Variants in PTPRN observed in about 807,000 individuals in gnomAD.
PTPRN encodes receptor-type tyrosine-protein phosphatase-like N.
In PTPRN, 70 loss-of-function variants were observed where a neutral mutation model predicts 108.5. The ratio of observed to expected loss-of-function variants is 0.65; its 90% CI spans 0.53 to 0.79. The LOEUF (loss-of-function observed/expected upper bound fraction) is 0.79. Among genes scored for constraint, PTPRN ranks in the 30% least tolerant of loss-of-function variants. The pLI is 0.00. For synonymous variants in PTPRN, 496 were observed against 524.6 expected (o/e 0.95, Z 0.75); for missense variants, 1,136 against 1,295.5 (o/e 0.88, Z 1.89).
At chr2:219,300,430 T>G (rs1025906511) in intron 8 of PTPRN, 171 bp from the exon 9 acceptor site, 5 of 597,554 alleles carry the variant, frequency 8.4e-6, no homozygotes, top group Non-Finnish European at 1.4e-5. Flanking sequence ...GACAAGTAAG[T>G]GGATGCATGA....
intron 4 of PTPRN, among the ~76,000 whole-genome samples, chr2:219,303,480 G>T (rs2125096618): frequency 6.6e-6 from 1 of 152,302 alleles, no homozygotes; most frequent in Non-Finnish European, 1.5e-5. Context: ...CTACATTGAT[G>T]CTTCTTTTAA....
At chr2:219,304,577 T>C (rs1952436469) in intron 3 of PTPRN, among the ~76,000 whole-genome samples, 1 of 152,206 alleles carries the variant, frequency 6.6e-6, no homozygotes, top group Non-Finnish European at 1.5e-5. Context: ...TCTTCTCTAG[T>C]TCTGGATTTA....
rs1229779807 is a variant in PTPRN at position 219,302,156 on chromosome 2, A to C, written c.975T>G (p.Ala325=). 6.3e-7 allele frequency: 1 copy of C among 1,589,850 alleles called. No individual in the cohort carries two copies. The highest frequency in any genetic ancestry group is 8.6e-7 in the Non-Finnish European group (1 of 1,163,640). The change falls in exon 6 of 23, where the codon GCT becomes GCG. Residue 325 remains alanine (A), a synonymous_variant. Transcript: ENST00000295718. ...EGLGDRGEKP[A]SPAVQPDAAL... is the part of the protein sequence containing the mutation. Reference sequence around the variant, plus strand: ...TGTTACCTGGCTGCACAGCTGGGGAAGCAGGCTTCTCTCCACGATCCCCTA... The same window carrying C: ...TGTTACCTGGCTGCACAGCTGGGGACGCAGGCTTCTCTCCACGATCCCCTA...
At chr2:219,293,975 C>G (rs1375834604) in intron 19 of PTPRN, 1 of 443,268 alleles carries the variant, frequency 2.3e-6, no homozygotes, top group Non-Finnish European at 4.6e-6. Context: ...TGTCTAGTCC[C>G]CACCTGCTCC....
intron 3 of PTPRN, among the ~76,000 whole-genome samples, chr2:219,306,820 G>A (rs1235835629): frequency 1.3e-5 from 2 of 152,158 alleles, no homozygotes; most frequent in African/African-American, 2.4e-5. Context: ...TAAAAAGTCT[G>A]TTCAGATTTC....
chr2:219,298,053 G>A lies in PTPRN; in HGVS notation c.1719C>T (p.Pro573=), dbSNP rs1004613770. The change falls in exon 13 of 23, where the codon CCC becomes CCT. Residue 573 remains proline (P), a synonymous_variant. Coordinates refer to ENST00000295718, the MANE Select transcript of PTPRN (RefSeq NM_002846.4). ...CCAGAGTGAGCAGCACTGAGCGCATGGGTGAGGTGCTGTGCGCAGTTTGGG... is the reference window on the plus strand; with the variant it reads ...CCAGAGTGAGCAGCACTGAGCGCATAGGTGAGGTGCTGTGCGCAGTTTGGG... The part of the protein sequence containing the change: ...VLPQTAHSTS[P]MRSVLLTLVA... 6.2e-7 allele frequency: 1 copy of A among 1,613,924 alleles called. No homozygotes were observed. The highest frequency in any genetic ancestry group is 1.3e-5 in the African/African-American group (1 of 74,940).
At chr2:219,299,875 C>A in intron 9 of PTPRN, 89 bp from the exon 10 acceptor site, 1 of 1,560,934 alleles carries the variant, frequency 6.4e-7, no homozygotes, top group East Asian at 2.3e-5. Flanking sequence ...TACAGAGCAG[C>A]CTGCCAATTC....
chr2:219,299,706 T>A lies in PTPRN; in HGVS notation c.1517A>T (p.Asn506Ile), dbSNP rs776536795. Reference sequence around the variant, plus strand: ...AGCAAGATGCCAGCCCCACCTGATGTTGATGAAGCTGCCTGAGGACATGTG... The same window carrying A: ...AGCAAGATGCCAGCCCCACCTGATGATGATGAAGCTGCCTGAGGACATGTG... ...HVHMSSGSFI[N>I]ISVVGPALTF... Residue 506 changes from asparagine to isoleucine, a missense_variant, in exon 10 of 23, where the codon AAC becomes ATC. By Grantham distance (149) the Asn-to-Ile change is moderately radical. Transcript: ENST00000295718. The A allele has an allele frequency of 6.3e-7, 1 of 1,596,726 alleles. No individual in the cohort carries two copies. The highest frequency in any genetic ancestry group is 1.1e-5 in the South Asian group (1 of 90,008).
Position 219,290,798 on chromosome 2 carries a change from C to A in PTPRN, c.2794+28G>T, listed in dbSNP as rs1409456603. 1.2e-6 allele frequency: 2 copies of A among 1,609,970 alleles called. No individual in the cohort carries two copies. Among genetic ancestry groups the A allele is most frequent in the African/African-American group, 2.7e-5 (2 of 74,786 alleles). On this transcript the variant is annotated intron_variant, in intron 21 of 22. Coordinates refer to ENST00000295718, the MANE Select transcript of PTPRN (RefSeq NM_002846.4). This position sits in a 1 kb window ranked among gnomAD's most constrained non-coding sequence, Gnocchi z 4.2. ...GGAGCCTCTAAAAAGGGCCTGGGGG[C>A]TGCGGGCACCGTGGGGAAGCTCCCT...
intron 7 of PTPRN, 128 bp from the exon 8 acceptor site, chr2:219,301,105 C>A: frequency 1.1e-6 from 1 of 897,404 alleles, no homozygotes; most frequent in Non-Finnish European, 1.8e-6. Flanking sequence ...CAGTCAGTGA[C>A]CAAGACCCTG....
At chr2:219,298,934 G>C (rs1297793529) in intron 12 of PTPRN, 113 bp downstream of exon 12, 1 of 1,293,406 alleles carries the variant, frequency 7.7e-7, no homozygotes, top group African/African-American at 1.5e-5. Flanking sequence ...CCTCCAGCCA[G>C]CCGTGCCTAC....
rs17847409 is a variant in PTPRN at position 219,296,896 on chromosome 2, G to T, written c.2237-74C>A. 6.3e-4 allele frequency: 1,018 copies of T among 1,612,840 alleles called. 4 individuals are homozygous for T. In the East Asian group the frequency reaches 0.012, roughly 19 times the overall value. ...TCGCGGGACCTCTGCCACTCAGCCTGAGCCAGAAGCCCAACCCCTTACCCC... is the reference window on the plus strand; with the variant it reads ...TCGCGGGACCTCTGCCACTCAGCCTTAGCCAGAAGCCCAACCCCTTACCCC... On this transcript the variant is annotated intron_variant, in intron 15 of 22. Transcript: ENST00000295718. The surrounding 1 kb of genome is among the most constrained non-coding windows in gnomAD (Gnocchi z 6.0).
At chr2:219,299,598 C>CAG in intron 10 of PTPRN, 102 bp downstream of exon 10, 3 of 1,267,718 alleles carry the variant, frequency 2.4e-6, no homozygotes, top group Non-Finnish European at 3.3e-6. Context: ...TCCCTGAGCT[C>CAG]AGAGCTTGTC....
At chr2:219,294,823 T>G (rs2125090069) in intron 19 of PTPRN, 152 bp downstream of exon 19, 43 of 777,852 alleles carry the variant, frequency 5.5e-5, no homozygotes, top group Non-Finnish European at 7.4e-5. Context: ...CAGGCCTGCT[T>G]TTAGGGGTGG....
chr2:219,300,844 G>A, intron 8 of PTPRN, 99 bp downstream of exon 8: 3 of 1,356,300 alleles, frequency 2.2e-6, no homozygotes, highest in East Asian at 2.3e-5. Flanking sequence ...TGAGGGGTGG[G>A]AGGATACAGA....
At chr2:219,291,024 A>G in intron 20 of PTPRN, 134 bp from the exon 21 acceptor site, 1 of 807,880 alleles carries the variant, frequency 1.2e-6, no homozygotes, top group Non-Finnish European at 2.1e-6. Context: ...TTGGAGAGGG[A>G]CAGTGAGCCG....
rs572076527 is a variant in PTPRN, at chr2:219,290,374, G to A, written c.2869-77C>T. The A allele has an allele frequency of 2.1e-6, 3 of 1,425,720 alleles. No individual in the cohort carries two copies. The South Asian group carries it at 3.6e-5, about 17-fold the overall frequency. 88.3% of individuals were successfully genotyped at this position (1,425,720 alleles called of 1,614,324 possible). A position where few individuals can be genotyped will look rare whatever the true frequency, so the allele number is the denominator to read the frequency against. The stretch of plus-strand genomic sequence containing the variant: ...GCCCTCAAGATGGGGGGCTTTTGGT[G>A]GGGGGAGGGCCCTGGGCAGGTCCCC... On this transcript the variant is annotated intron_variant, in intron 22 of 22. Transcript: ENST00000295718. The surrounding 1 kb of genome is among the most constrained non-coding windows in gnomAD (Gnocchi z 4.2).
rs1447934357 is a variant in PTPRN at position 219,290,395 on chromosome 2, TC to T, written c.2869-99del. The stretch of plus-strand genomic sequence containing the variant: ...TGGTGGGGGGAGGGCCCTGGGCAGG[TC>T]CCCTGGGAGGAAGGGAGCCCTCCTG... On this transcript the variant is annotated intron_variant, in intron 22 of 22. Transcript: ENST00000295718. This position sits in a 1 kb window ranked among gnomAD's most constrained non-coding sequence, Gnocchi z 4.2. The T allele has an allele frequency of 2.9e-6, 4 of 1,398,374 alleles. No homozygotes were observed. Among genetic ancestry groups the T allele is most frequent in the South Asian group, 1.2e-5 (1 of 82,090 alleles). The allele number at this position is 1,398,374 out of a possible 1,614,324, so 86.6% of individuals were successfully genotyped here.
intron 12 of PTPRN, 92 bp downstream of exon 12, chr2:219,298,955 C>T (rs185461366): frequency 2.6e-5 from 38 of 1,468,926 alleles, no homozygotes; most frequent in East Asian, 2.0e-4. Flanking sequence ...GGACACGTTT[C>T]GGCTCCAGTT....
Sources: gnomAD v4.1 joint callset for allele counts (sites outside exome capture counted in the v4.1 genomes callset) on GRCh38, gnomAD v4.1.1 for gene constraint, Gnocchi (gnomAD v3.1) non-coding constraint, MANE v1.5 for transcripts, NCBI Gene and HGNC (gene_info 2026-07-23, HGNC 2026-07-21) for gene names.